ASIC2: variants seen among roughly 807,000 people sequenced by gnomAD.
ASIC2 encodes acid-sensing ion channel 2.
In ASIC2, 25 loss-of-function variants were observed where a neutral mutation model predicts 57.3. That is an observed-to-expected ratio of 0.44 (90% confidence interval 0.32 to 0.61). ASIC2 has a LOEUF of 0.61. Among genes scored for constraint, ASIC2 ranks in the 20% least tolerant of loss-of-function variants. The pLI is 0.06. For missense variants in ASIC2, 641 were observed against 738.1 expected (o/e 0.87, Z 1.52); for synonymous variants, 319 against 307.5 (o/e 1.04, Z -0.39).
At chr17:33,828,682 C>T (rs756305659) in intron 1 of ASIC2, among the ~76,000 whole-genome samples, 58 of 152,098 alleles carry the variant, frequency 3.8e-4, no homozygotes, top group South Asian at 6.2e-4. Flanking sequence ...GAGGGTGAAA[C>T]GTTACAGTGT....
At chr17:34,117,785 T>C (rs894523246) in intron 1 of ASIC2, among the ~76,000 whole-genome samples, 7 of 152,148 alleles carry the variant, frequency 4.6e-5, no homozygotes, top group Non-Finnish European at 1.0e-4. Context: ...CTGAGGTTTC[T>C]GGTTTGGAAG....
At position 33,323,432 on chromosome 17, in the gene ASIC2, G is replaced by T. The variant is rs1906947086; in HGVS notation, c.556-211365C>A. Among the ~76,000 whole-genome samples the T allele has an allele frequency of 2.0e-5, 3 of 152,250 alleles. 1 individual carries two copies. In the South Asian group the frequency reaches 6.2e-4, roughly 32 times the overall value. On this transcript the variant is annotated intron_variant, in intron 1 of 9. Transcript: ENST00000359872. ...GGTTGAGTGAAAGAAGCCAGACACA[G>T]GCGGGCACGGTGCCTCACGCCTATA...
intron 3 of ASIC2, among the ~76,000 whole-genome samples, chr17:33,060,031 G>A (rs1473881107): frequency 1.3e-5 from 2 of 151,990 alleles, no homozygotes; most frequent in Admixed American, 1.3e-4. Context: ...TTGTAAATTT[G>A]TTTGAGTTCT....
At chr17:33,837,885 T>C (rs1423540007) in intron 1 of ASIC2, among the ~76,000 whole-genome samples, 1 of 152,180 alleles carries the variant, frequency 6.6e-6, no homozygotes, top group Admixed American at 6.5e-5. Flanking sequence ...TGCTGTTCTC[T>C]CTTTCTGAAC....
intron 1 of ASIC2, among the ~76,000 whole-genome samples, chr17:33,503,467 GT>G (rs1183734984): frequency 6.6e-6 from 1 of 152,104 alleles, no homozygotes; most frequent in Non-Finnish European, 1.5e-5. Flanking sequence ...GGGAGTCAGG[GT>G]TCCCCAGGAA....
chr17:33,490,092 T>C (rs1481701263), intron 1 of ASIC2, among the ~76,000 whole-genome samples: 1 of 152,262 alleles, frequency 6.6e-6, no homozygotes, highest in Admixed American at 6.5e-5. Context: ...TACTACCTGT[T>C]TCTGTAAATA....
intron 1 of ASIC2, among the ~76,000 whole-genome samples, chr17:33,114,338 GA>G (rs2092272294): frequency 6.6e-6 from 1 of 152,232 alleles, no homozygotes; most frequent in African/African-American, 2.4e-5. Flanking sequence ...GTAATGAACA[GA>G]TAAGAGCATT....
At chr17:34,038,650 T>G in intron 1 of ASIC2, 2 of 1,589,596 alleles carry the variant, frequency 1.3e-6, no homozygotes. Context: ...TAACCCTTTC[T>G]AGCCTCTCCA....
intron 1 of ASIC2, among the ~76,000 whole-genome samples, chr17:33,266,242 C>T (rs1398928251): frequency 2.6e-5 from 4 of 152,140 alleles, no homozygotes; most frequent in Non-Finnish European, 5.9e-5. Flanking sequence ...TTTTATCCTC[C>T]CCCCATCCAG....
At chr17:33,815,806 A>G (rs1912561344) in intron 1 of ASIC2, among the ~76,000 whole-genome samples, 1 of 152,172 alleles carries the variant, frequency 6.6e-6, no homozygotes, top group Non-Finnish European at 1.5e-5. Flanking sequence ...ATCTACTCCA[A>G]TCCTCTCATT....
intron 1 of ASIC2, among the ~76,000 whole-genome samples, chr17:33,735,700 C>A (rs1207745009): frequency 6.6e-6 from 1 of 152,114 alleles, no homozygotes; most frequent in Non-Finnish European, 1.5e-5. Context: ...AAGTCCTCAA[C>A]AGCGGCTACC....
At chr17:33,368,990 C>T (rs1908934729) in intron 1 of ASIC2, among the ~76,000 whole-genome samples, 1 of 152,184 alleles carries the variant, frequency 6.6e-6, no homozygotes, top group African/African-American at 2.4e-5. Flanking sequence ...AAGTCTGCCA[C>T]CTTCCTGTTC....
At chr17:33,284,914 G>A (rs527824822) in intron 1 of ASIC2, among the ~76,000 whole-genome samples, 5 of 152,250 alleles carry the variant, frequency 3.3e-5, no homozygotes, top group East Asian at 1.9e-4. Context: ...ACTCCGATGA[G>A]GCACATTGAC....
chr17:34,099,444 A>G lies in ASIC2; in HGVS notation c.555+56534T>C, dbSNP rs972308825. On this transcript the variant is annotated intron_variant, in intron 1 of 9. Coordinates refer to the ASIC2 transcript ENST00000359872. ...GAATGAAAGAAAGAAGAAAAGAAAG[A>G]GAAAGAAAGAAAAGAAAGAAAGAGA... 3.6e-4 allele frequency among the ~76,000 whole-genome samples: 37 copies of G among 101,636 alleles called. 1 individual carries two copies. The highest frequency in any genetic ancestry group is 1.1e-3 in the Admixed American group (11 of 10,190). The allele number at this position is 101,636 out of a possible 152,430, so 66.7% of individuals were successfully genotyped here.
chr17:33,615,598 C>A (rs1030871007), intron 1 of ASIC2, among the ~76,000 whole-genome samples: 1 of 152,212 alleles, frequency 6.6e-6, no homozygotes, highest in East Asian at 1.9e-4. Flanking sequence ...CCCTCAATTT[C>A]TTTTTTTAGT....
intron 1 of ASIC2, chr17:34,155,786 C>CGA (rs1904696202): frequency 8.0e-6 from 5 of 623,876 alleles, no homozygotes; most frequent in Non-Finnish European, 1.4e-5. Flanking sequence ...GACAGCAGTG[C>CGA]TCTATCCTGG....
rs73282481 is a variant in ASIC2, at chr17:34,138,760, G to A, written c.555+17218C>T. On this transcript the variant is annotated intron_variant, in intron 1 of 9. Transcript: ENST00000359872. The stretch of plus-strand genomic sequence containing the variant: ...GCTGAGTGGAGTCCTACCAACCTTC[G>A]CTCTCTCCTTTCACCCACAGTCATT... Among the ~76,000 whole-genome samples the A allele has an allele frequency of 9.0e-3, 1,369 of 152,198 alleles. 18 individuals carry two copies. Among genetic ancestry groups the A allele is most frequent in the African/African-American group, 0.032 (1,312 of 41,502 alleles).
At chr17:33,541,764 T>C (rs1915418551) in intron 1 of ASIC2, among the ~76,000 whole-genome samples, 1 of 152,152 alleles carries the variant, frequency 6.6e-6, no homozygotes, top group Admixed American at 6.5e-5. Flanking sequence ...CAGCCACTTC[T>C]CAAGCACATC....
At chr17:33,855,143 A>T (rs1241364418) in intron 1 of ASIC2, among the ~76,000 whole-genome samples, 1 of 152,120 alleles carries the variant, frequency 6.6e-6, no homozygotes, top group Admixed American at 6.6e-5. Context: ...AAGGTGAATG[A>T]GCTGACACAC....
Sources: allele counts gnomAD v4.1 joint callset (sites outside exome capture counted in the v4.1 genomes callset), GRCh38; gene constraint gnomAD v4.1.1; transcripts MANE v1.5; gene names NCBI Gene and HGNC (gene_info 2026-07-23, HGNC 2026-07-21).